The following ITGA2 variants were observed in gnomAD, a reference collection of about 807,000 sequenced individuals.
ITGA2 encodes integrin alpha-2.
A neutral mutation model predicts 146.3 loss-of-function variants in ITGA2; 101 were observed. That is an observed-to-expected ratio of 0.69 (90% confidence interval 0.59 to 0.81). The LOEUF is 0.81. Ranked by LOEUF, ITGA2 falls within the 40% of genes least tolerant of loss-of-function variation. The probability of loss-of-function intolerance (pLI) is 0.00; values close to 1 mark genes in which losing one functional copy is unlikely to be tolerated. For synonymous variants in ITGA2, 477 were observed against 487.1 expected, an observed-to-expected ratio of 0.98 and a Z score of 0.27; for missense variants, 1,281 against 1,402.7, an observed-to-expected ratio of 0.91 and a Z score of 1.39.
intron 23 of ITGA2, among the ~76,000 whole-genome samples, chr5:53,077,251 TTAACC>T (rs1265317720): frequency 6.6e-6 from 1 of 152,074 alleles, no homozygotes; most frequent in Admixed American, 6.6e-5. Flanking sequence ...TTTGTTTTGT[TTAACC>T]ATCATAAGCA....
At chr5:53,054,533 G>A (rs1744535728) in intron 7 of ITGA2, among the ~76,000 whole-genome samples, 1 of 152,028 alleles carries the variant, frequency 6.6e-6, no homozygotes, top group Non-Finnish European at 1.5e-5. Flanking sequence ...ATTTATTACA[G>A]CCTTACTTGT....
chr5:53,090,613 C>T lies in ITGA2; in HGVS notation c.*14C>T. ...CTCAGTAGCTGAACCAGCAGACCTA[C>T]CTGCAGTGGGAACCGGCAGCATCCC... is the stretch of plus-strand genomic sequence containing the variant. On this transcript the variant is annotated 3_prime_UTR_variant, in exon 30 of 30. Transcript: ENST00000296585. 1.2e-6 allele frequency: 2 copies of T among 1,604,806 alleles called. No individual in the cohort carries two copies. The highest frequency in any genetic ancestry group is 2.2e-5 in the East Asian group (1 of 44,780).
Position 52,989,384 on chromosome 5 carries a change from C to G in ITGA2, c.-85C>G. 7.3e-7 allele frequency: 1 copy of G among 1,374,696 alleles called. No homozygotes were observed. The highest frequency in any genetic ancestry group is 1.0e-6 in the Non-Finnish European group (1 of 963,170). 85.2% of individuals were successfully genotyped at this position (1,374,696 alleles called of 1,614,324 possible). ...CCCTCTGGACAGCTTCTAGAGTGTG[C>G]AGGTTCTCGTATCCCTCGGCCAAGG... On this transcript the variant is annotated 5_prime_UTR_variant, in exon 1 of 30. Transcript: ENST00000296585.
At chr5:53,002,106 T>C (rs1234795339) in intron 1 of ITGA2, among the ~76,000 whole-genome samples, 1 of 152,102 alleles carries the variant, frequency 6.6e-6, no homozygotes, top group Non-Finnish European at 1.5e-5. Flanking sequence ...GATGTGGCAT[T>C]TTAACTGATA....
At chr5:52,994,893 T>C (rs987459759) in intron 1 of ITGA2, among the ~76,000 whole-genome samples, 1 of 152,160 alleles carries the variant, frequency 6.6e-6, no homozygotes, top group Admixed American at 6.5e-5. Context: ...CATTGAAGTG[T>C]CTAGCCTCCT....
chr5:53,040,703 C>A (rs3797495), intron 2 of ITGA2, among the ~76,000 whole-genome samples: 41,747 of 151,962 alleles, frequency 0.27, 5,803 homozygotes, highest in Admixed American at 0.32. Context: ...AGTGTTCTAT[C>A]TTAGTTTGAG....
intron 2 of ITGA2, among the ~76,000 whole-genome samples, chr5:53,028,324 GA>G (rs1229321490): frequency 6.6e-6 from 1 of 152,184 alleles, no homozygotes; most frequent in Non-Finnish European, 1.5e-5. Flanking sequence ...GAAGAGGCTG[GA>G]GATGAGTGTT....
At chr5:53,045,777 T>C (rs1486041414) in intron 4 of ITGA2, among the ~76,000 whole-genome samples, 2 of 151,886 alleles carry the variant, frequency 1.3e-5, no homozygotes, top group Non-Finnish European at 2.9e-5. Context: ...GATTTGACTA[T>C]ATAAAAAAAG....
In ITGA2 at chr5:53,055,607, C is replaced by A; in HGVS notation, c.849C>A (p.Asp283Glu). 1 of 1,613,034 alleles carries A rather than the reference C, an allele frequency of 6.2e-7. No homozygotes were observed. Among genetic ancestry groups the A allele is most frequent in the Non-Finnish European group, 8.5e-7 (1 of 1,179,348 alleles). ...CGAAAGTAATGGTAGTTGTAACTGA[C>A]GGTGAATCACATGATGGTTCAATGT... ...SATKVMVVVT[D>E]GESHDGSMLK... is the part of the protein sequence containing the mutation. Residue 283 changes from aspartate (D) to glutamate (E), a missense_variant, in exon 8 of 30, where the codon GAC becomes GAA. Physicochemically the swap from Asp to Glu is conservative, Grantham distance 45 (BLOSUM62 2). This residue lies in a region of ITGA2 where 795 missense variants were observed against 841.7 expected (regional missense o/e 0.94). Coordinates refer to ENST00000296585, the MANE Select transcript of ITGA2 (RefSeq NM_002203.4).
intron 7 of ITGA2, among the ~76,000 whole-genome samples, chr5:53,055,241 A>C (rs911689168): frequency 6.6e-6 from 1 of 152,142 alleles, no homozygotes; most frequent in Non-Finnish European, 1.5e-5. Flanking sequence ...ATACTGATTA[A>C]TTCAACTTTC....
At chr5:53,022,193 T>C (rs559455871) in intron 1 of ITGA2, among the ~76,000 whole-genome samples, 75 of 140,946 alleles carry the variant, frequency 5.3e-4, no homozygotes, top group Middle Eastern at 3.6e-3. Context: ...CTTTTTCCTT[T>C]CTGAGTTTCA....
chr5:53,058,057 G>C lies in ITGA2; in HGVS notation c.1129G>C (p.Glu377Gln), dbSNP rs764797051. ...TCAAGGAGGAGACAACTTTCAGATG[G>C]AAATGTCACAAGTGGGATTCAGTGC... ...TVQGGDNFQMEMSQVGFSADY... is the reference protein window; with the variant it reads ...TVQGGDNFQMQMSQVGFSADY... Residue 377 changes from glutamate to glutamine, a missense_variant, in exon 10 of 30, where the codon GAA becomes CAA. Physicochemically the swap from Glu to Gln is conservative, Grantham distance 29. Coordinates refer to ENST00000296585, the MANE Select transcript of ITGA2 (RefSeq NM_002203.4). 3 of 1,611,750 alleles carry C rather than the reference G, an allele frequency of 1.9e-6. No individual in the cohort carries two copies. The South Asian group carries it at 3.3e-5, about 18-fold the overall frequency.
intron 7 of ITGA2, among the ~76,000 whole-genome samples, chr5:53,052,294 T>G (rs3212508): frequency 0.36 from 55,370 of 151,710 alleles, 10,242 homozygotes; most frequent in Admixed American, 0.43. Flanking sequence ...GTGTCCTCAT[T>G]GTTCAATGTG....
At chr5:53,060,278 T>C (rs1744844165) in intron 11 of ITGA2, among the ~76,000 whole-genome samples, 2 of 151,944 alleles carry the variant, frequency 1.3e-5, no homozygotes, top group African/African-American at 4.8e-5. Context: ...AAAATGGAAA[T>C]AGTTCCCAAA....
chr5:52,998,805 G>T (rs929068381), intron 1 of ITGA2, among the ~76,000 whole-genome samples: 7 of 152,172 alleles, frequency 4.6e-5, no homozygotes, highest in African/African-American at 1.7e-4. Context: ...TTCAATGAGT[G>T]ATGAATCTAT....
At chr5:53,069,262 T>G (rs1745279388) in intron 16 of ITGA2, among the ~76,000 whole-genome samples, 1 of 151,932 alleles carries the variant, frequency 6.6e-6, no homozygotes, top group Admixed American at 6.6e-5. Flanking sequence ...TCTGATAGTT[T>G]AGACATCGGC....
At chr5:53,046,052 G>T (rs931329503) in intron 4 of ITGA2, among the ~76,000 whole-genome samples, 1 of 151,748 alleles carries the variant, frequency 6.6e-6, no homozygotes, top group Non-Finnish European at 1.5e-5. Flanking sequence ...TCAGCCAGGA[G>T]TGGTGGCACA....
At chr5:53,043,471 T>A (rs951362013) in intron 3 of ITGA2, among the ~76,000 whole-genome samples, 3 of 152,208 alleles carry the variant, frequency 2.0e-5, no homozygotes, top group Admixed American at 2.0e-4. Context: ...GTCTTCACTC[T>A]AACAGATCAT....
At chr5:53,010,684 T>C (rs1742080505) in intron 1 of ITGA2, among the ~76,000 whole-genome samples, 1 of 152,150 alleles carries the variant, frequency 6.6e-6, no homozygotes, top group Non-Finnish European at 1.5e-5. Context: ...TTTGGAAATG[T>C]TGAGATACCT....
Sources: allele counts gnomAD v4.1 joint callset (sites outside exome capture counted in the v4.1 genomes callset), GRCh38; gene constraint gnomAD v4.1.1; regional missense constraint gnomAD v4.1.1; transcripts MANE v1.5; gene names NCBI Gene and HGNC (gene_info 2026-07-23, HGNC 2026-07-21).